RNF103: variants seen among roughly 807,000 people sequenced by gnomAD.
The protein encoded by RNF103 is ring finger protein 103, also known as E3 ubiquitin-protein ligase RNF103.
Under a neutral mutation model 66.2 loss-of-function variants are expected in RNF103, and 23 were observed. That is an observed-to-expected ratio of 0.35 (90% CI 0.25 to 0.49). RNF103 has a LOEUF of 0.49. RNF103 is among the 20% of genes least tolerant of loss of function. RNF103 has a pLI of 0.98. For missense variants in RNF103, 730 were observed against 814.7 expected (o/e 0.90, Z 1.27); for synonymous variants, 297 against 289.9 (o/e 1.02, Z -0.25).
chr2:86,608,486 C>CA (rs1222638516), intron 3 of RNF103, among the ~76,000 whole-genome samples: 2,715 of 34,536 alleles, frequency 0.079, 63 homozygotes, highest in Non-Finnish European at 0.11. Context: ...GACTCCATCT[C>CA]AAAAAAAAAA....
At chr2:86,616,772 C>G in intron 2 of RNF103, 8 of 985,308 alleles carry the variant, frequency 8.1e-6, no homozygotes, top group Non-Finnish European at 9.6e-6. Context: ...CAGTAGGGAA[C>G]AAATATGTCC....
In RNF103 at chr2:86,623,526, C is replaced by T. The variant is rs1679323023; in HGVS notation, c.-640G>A. 9 of 984,930 alleles carry T rather than the reference C, an allele frequency of 9.1e-6. No individual in the cohort carries two copies. Among genetic ancestry groups the T allele is most frequent in the Non-Finnish European group, 6.0e-6 (5 of 830,140 alleles). 61.0% of individuals were successfully genotyped at this position (984,930 alleles called of 1,614,324 possible). ...GGCCCCGCCGACCGCCCAGGCTCCG[C>T]GAGAAGAGCGGCGGGCACGGCGGCG... is the stretch of plus-strand genomic sequence containing the variant. On this transcript the variant is annotated 5_prime_UTR_variant, in exon 1 of 4. Coordinates refer to ENST00000237455, the MANE Select transcript of RNF103 (RefSeq NM_005667.4).
At position 86,605,061 on chromosome 2, in the gene RNF103, A is replaced by C. The variant is rs771983283; in HGVS notation, c.840T>G (p.Ile280Met). Residue 280 changes from isoleucine to methionine, a missense_variant, in exon 4 of 4, where the codon ATT becomes ATG. By Grantham distance (10) the Ile-to-Met change is conservative. Coordinates refer to ENST00000237455, the MANE Select transcript of RNF103 (RefSeq NM_005667.4). ...NWDNKSYMTD[I>M]GIYNMPSYIL... ...TGTATGATGGCATATTATATATGCC[A>C]ATATCTGTCATATAACTCTTGTTGT... 3.1e-6 allele frequency: 5 copies of C among 1,613,882 alleles called. No homozygotes were observed. The East Asian group carries it at 1.1e-4, about 36-fold the overall frequency.
rs1393321226 is a variant in RNF103, at chr2:86,603,747, ATT to A, written c.*94_*95del. ...GTGTATTTCCCGTCACTGCACTAAC[ATT>A]AAACTAAACTTCAAACCACAAAAAC... On this transcript the variant is annotated 3_prime_UTR_variant, in exon 4 of 4. Coordinates refer to ENST00000237455, the MANE Select transcript of RNF103 (RefSeq NM_005667.4). The A allele has an allele frequency of 5.4e-6, 8 of 1,492,050 alleles. No individual in the cohort carries two copies. Among genetic ancestry groups the A allele is most frequent in the African/African-American group, 1.4e-5 (1 of 71,186 alleles). 92.4% of individuals were successfully genotyped at this position (1,492,050 alleles called of 1,614,324 possible).
In RNF103 at chr2:86,603,853, A is replaced by G; in HGVS notation, c.2048T>C (p.Val683Ala). 1.9e-6 allele frequency: 3 copies of G among 1,610,926 alleles called. No homozygotes were observed. The highest frequency in any genetic ancestry group is 2.5e-6 in the Non-Finnish European group (3 of 1,178,654). The change falls in exon 4 of 4, where the codon GTC becomes GCC. Residue 683 changes from valine (V) to alanine (A), a missense_variant. Coordinates refer to ENST00000237455, the MANE Select transcript of RNF103 (RefSeq NM_005667.4). The part of the protein sequence containing the change: ...YAQHQPLSND[V>A]PS ...ACAAATTGCACATGGTTAAGATGGGACATCATTTGACAAGGGCTGGTGTTG... is the reference window on the plus strand; with the variant it reads ...ACAAATTGCACATGGTTAAGATGGGGCATCATTTGACAAGGGCTGGTGTTG...
At position 86,604,935 on chromosome 2, in the gene RNF103, C is replaced by T; in HGVS notation, c.966G>A (p.Glu322=). The T allele has an allele frequency of 6.2e-7, 1 of 1,614,048 alleles. No homozygotes were observed. Among genetic ancestry groups the T allele is most frequent in the Non-Finnish European group, 8.5e-7 (1 of 1,180,002 alleles). Residue 322 remains glutamate, a synonymous_variant, in exon 4 of 4, where the codon GAG becomes GAA. Transcript: ENST00000237455. ...MDSFLRSLQP[E]VNDLFVLSLV... is the part of the protein sequence containing the mutation. ...AGCTCAAAACAAACAGATCATTTAC[C>T]TCGGGTTGTAATGAGCGCAAAAATG...
chr2:86,612,414 A>G (rs1678835214), intron 2 of RNF103, 140 bp from the exon 3 acceptor site: 1 of 575,694 alleles, frequency 1.7e-6, no homozygotes, highest in South Asian at 2.3e-5. Context: ...TCACATTATC[A>G]TTACAATTCT....
At chr2:86,616,029 T>C (rs1679006341) in intron 2 of RNF103, among the ~76,000 whole-genome samples, 1 of 152,218 alleles carries the variant, frequency 6.6e-6, no homozygotes, top group South Asian at 2.1e-4. Context: ...TCAAAGTCCC[T>C]TCCCCAGCAA....
In RNF103 at chr2:86,604,414, G is replaced by A; in HGVS notation, c.1487C>T (p.Pro496Leu). The A allele has an allele frequency of 1.2e-6, 2 of 1,614,252 alleles. No homozygotes were observed. Among genetic ancestry groups the A allele is most frequent in the Non-Finnish European group, 8.5e-7 (1 of 1,180,050 alleles). Residue 496 changes from proline to leucine, a missense_variant, in exon 4 of 4, where the codon CCT (proline) becomes CTT (leucine). Physicochemically the swap from Pro to Leu is moderately conservative, Grantham distance 98. Transcript: ENST00000237455. Reference protein sequence around the residue: ...PDLFLERLAFPDLWLHPLIPT... With the variant: ...PDLFLERLAFLDLWLHPLIPT... ...TATCAGAGGGTGAAGCCAAAGGTCA[G>A]GGAAAGCTAAGCGCTCCAAGAATAA...
intron 3 of RNF103, among the ~76,000 whole-genome samples, chr2:86,608,440 T>C (rs1307031985): frequency 7.4e-6 from 1 of 135,452 alleles, no homozygotes; most frequent in African/African-American, 2.9e-5. Context: ...TGAGTTGAGA[T>C]CGTGCCACTG....
chr2:86,603,818 C>A lies in RNF103; in HGVS notation c.*25G>T. On this transcript the variant is annotated 3_prime_UTR_variant, in exon 4 of 4. Transcript: ENST00000237455. Reference sequence around the variant, plus strand: ...AAGGCAAGCTGTAAGATACTCAAAGCTTATAAAGGACAAATTGCACATGGT... The same window carrying A: ...AAGGCAAGCTGTAAGATACTCAAAGATTATAAAGGACAAATTGCACATGGT... 1 of 1,581,190 alleles carries A rather than the reference C, an allele frequency of 6.3e-7. No homozygotes were observed. Among genetic ancestry groups the A allele is most frequent in the African/African-American group, 1.4e-5 (1 of 73,538 alleles).
At chr2:86,617,608 C>T in intron 2 of RNF103, 1 of 962,870 alleles carries the variant, frequency 1.0e-6, no homozygotes, top group Non-Finnish European at 1.2e-6. Context: ...ACGCATCCCC[C>T]TCAGATAAGG....
chr2:86,623,406 G>C lies in RNF103; in HGVS notation c.-520C>G. On this transcript the variant is annotated 5_prime_UTR_variant, in exon 1 of 4. Coordinates refer to ENST00000237455, the MANE Select transcript of RNF103 (RefSeq NM_005667.4). The stretch of plus-strand genomic sequence containing the variant: ...GGACTCCCGCGGCCGCGGGTCAGGA[G>C]GGCGCGGCGCTCGGCCGGGCCAGGC... 3.1e-6 allele frequency: 3 copies of C among 980,946 alleles called. No homozygotes were observed. The highest frequency in any genetic ancestry group is 3.6e-6 in the Non-Finnish European group (3 of 827,508). 60.8% of individuals were successfully genotyped at this position (980,946 alleles called of 1,614,324 possible).
rs147874286 is a variant in RNF103, at chr2:86,610,529, T to C, written c.482+1630A>G. On this transcript the variant is annotated intron_variant, in intron 3 of 3. Coordinates refer to ENST00000237455, the MANE Select transcript of RNF103 (RefSeq NM_005667.4). ...CGTTTAACAGATTATTTTTATTTTG[T>C]TTTTGAATTCTTTATTATCTAATAA... Among the ~76,000 whole-genome samples the C allele has an allele frequency of 2.2e-4, 34 of 152,326 alleles. No individual in the cohort carries two copies. In the East Asian group the frequency reaches 5.8e-3, roughly 26 times the overall value.
rs1678459203 is a variant in RNF103, at chr2:86,604,282, T to C, written c.1619A>G (p.Glu540Gly). The change falls in exon 4 of 4, where the codon GAA becomes GGA. Residue 540 changes from glutamate to glycine, a missense_variant. Physicochemically the swap from Glu to Gly is moderately conservative, Grantham distance 98. This residue lies in a region of RNF103 where 355 missense variants were observed against 351.9 expected (regional missense o/e 1.01). Transcript: ENST00000237455. ...EGSQDTENDS[E>G]SENTDTLSSE... The stretch of plus-strand genomic sequence containing the variant: ...ACTCAAAGTGTCTGTGTTCTCACTT[T>C]CCGAGTCATTTTCAGTATCTTGAGA... The C allele has an allele frequency of 6.2e-7, 1 of 1,614,236 alleles. No individual in the cohort carries two copies. Among genetic ancestry groups the C allele is most frequent in the South Asian group, 1.1e-5 (1 of 91,086 alleles).
Position 86,623,826 on chromosome 2 carries a change from C to A in RNF103, c.-940G>T, listed in dbSNP as rs1010210086. The A allele has an allele frequency of 1.1e-3, 1,455 of 1,288,010 alleles. 3 individuals are homozygous for A. Among genetic ancestry groups the A allele is most frequent in the Non-Finnish European group, 1.4e-3 (1,364 of 988,404 alleles). 79.8% of individuals were successfully genotyped at this position (1,288,010 alleles called of 1,614,324 possible). A position where few individuals can be genotyped will look rare whatever the true frequency, so the allele number is the denominator to read the frequency against. On this transcript the variant is annotated 5_prime_UTR_variant, in exon 1 of 4. Coordinates refer to ENST00000237455, the MANE Select transcript of RNF103 (RefSeq NM_005667.4). The stretch of plus-strand genomic sequence containing the variant: ...AGACCGCGGCCGTACCCTCCACAAC[C>A]GTGTATCAGCGGCGGCCGCGGCCGG...
intron 3 of RNF103, among the ~76,000 whole-genome samples, chr2:86,610,624 T>C (rs1678753879): frequency 1.3e-5 from 2 of 152,372 alleles, no homozygotes; most frequent in South Asian, 2.1e-4. Flanking sequence ...TGTTTTCTAA[T>C]ATATTTATAA....
intron 2 of RNF103, chr2:86,614,673 T>G: frequency 1.2e-6 from 1 of 806,298 alleles, no homozygotes; most frequent in East Asian, 1.3e-4. Flanking sequence ...GCCTATTGCC[T>G]CTTGTTCTTT....
Position 86,616,853 on chromosome 2 carries a change from C to T in RNF103, c.366+3477G>A, listed in dbSNP as rs548204451. ...AGGAGGAGGATAAATCCATAAAACC[C>T]ATAAATTATGCTAACTTCTCCACTT... On this transcript the variant is annotated intron_variant, in intron 2 of 3. Transcript: ENST00000237455. The T allele has an allele frequency of 1.3e-5, 13 of 985,350 alleles. No individual in the cohort carries two copies. In the South Asian group the frequency reaches 6.1e-4, roughly 46 times the overall value. The allele number at this position is 985,350 out of a possible 1,614,324, so 61.0% of individuals were successfully genotyped here. A position where few individuals can be genotyped will look rare whatever the true frequency, so the allele number is the denominator to read the frequency against.
Sources: gnomAD v4.1 joint callset for allele counts (sites outside exome capture counted in the v4.1 genomes callset) on GRCh38, gnomAD v4.1.1 for gene constraint, gnomAD v4.1.1 regional missense constraint, MANE v1.5 for transcripts, NCBI Gene and HGNC (gene_info 2026-07-23, HGNC 2026-07-21) for gene names.